Variants in NEBL observed in about 807,000 individuals in gnomAD.
NEBL encodes the protein nebulette.
A neutral mutation model predicts 140.2 loss-of-function variants in NEBL; 122 were observed. The observed-to-expected ratio is 0.87, with a 90% CI of 0.75 to 1.01. The LOEUF is 1.01. Among genes scored for constraint, NEBL ranks in the 50% least tolerant of loss-of-function variants. The probability of loss-of-function intolerance (pLI) is 0.00; values close to 1 mark genes in which losing one functional copy is unlikely to be tolerated. For missense variants in NEBL, 1,365 were observed against 1,231.3 expected (o/e 1.11, Z -1.62); for synonymous variants, 436 against 398.9 (o/e 1.09, Z -1.11).
At chr10:21,082,405 A>G (rs1836406334) in intron 2 of NEBL, among the ~76,000 whole-genome samples, 1 of 152,144 alleles carries the variant, frequency 6.6e-6, no homozygotes, top group Non-Finnish European at 1.5e-5. Context: ...TGTGAGAAAT[A>G]CACACTAAAA....
At chr10:20,829,443 G>A (rs908830299) in intron 16 of NEBL, among the ~76,000 whole-genome samples, 5 of 147,704 alleles carry the variant, frequency 3.4e-5, no homozygotes, top group Non-Finnish European at 7.5e-5. Flanking sequence ...TTGTGGGGTA[G>A]GGGGAGGGGG....
At chr10:21,185,034 C>T (rs1293301456) in intron 3 of NEBL, among the ~76,000 whole-genome samples, 1 of 152,190 alleles carries the variant, frequency 6.6e-6, no homozygotes, top group Non-Finnish European at 1.5e-5. Flanking sequence ...CATCCTGGCC[C>T]CATGTCTCCC....
intron 7 of NEBL, among the ~76,000 whole-genome samples, chr10:20,865,687 C>T (rs1844202472): frequency 6.6e-6 from 1 of 152,158 alleles, no homozygotes; most frequent in Non-Finnish European, 1.5e-5. Context: ...CTTAGAGTCA[C>T]CGCCCTTTAA....
intron 3 of NEBL, among the ~76,000 whole-genome samples, chr10:21,187,507 A>T (rs1016912022): frequency 1.3e-4 from 19 of 150,022 alleles, no homozygotes; most frequent in South Asian, 2.1e-4. Flanking sequence ...TACTATTATT[A>T]TTTATTATTA....
chr10:21,288,851 AAAAT>A lies in NEBL; in HGVS notation n.182+3975_182+3978del, dbSNP rs1564556773. On this transcript the variant is annotated intron_variant and non_coding_transcript_variant, in intron 1 of 8. Transcript: ENST00000675702. ...ATATATATATATATATATATATATAAAAATTTTTTTTTTTTGAGACGGAGTCTTG... is the reference window on the plus strand; with the variant it reads ...ATATATATATATATATATATATATAATTTTTTTTTTTGAGACGGAGTCTTG... 5.3e-4 allele frequency among the ~76,000 whole-genome samples: 17 copies of A among 32,178 alleles called. 2 individuals are homozygous for A. The highest frequency in any genetic ancestry group is 1.2e-3 in the African/African-American group (12 of 9,846). 21.1% of individuals were successfully genotyped at this position (32,178 alleles called of 152,430 possible). A position where few individuals can be genotyped will look rare whatever the true frequency, so the allele number is the denominator to read the frequency against.
At chr10:20,852,483 G>A (rs1588806891) in intron 10 of NEBL, 62 bp downstream of exon 10, 2 of 1,056,492 alleles carry the variant, frequency 1.9e-6, no homozygotes, top group Non-Finnish European at 2.9e-6. Context: ...GTGAGCGGCG[G>A]GCCTCAGGAT....
intron 1 of NEBL, among the ~76,000 whole-genome samples, chr10:21,291,253 C>T (rs190041752): frequency 6.6e-6 from 1 of 152,028 alleles, no homozygotes; most frequent in African/African-American, 2.4e-5. Context: ...CACCTATAAT[C>T]CCATCACTTT....
chr10:20,996,132 C>CTGGAGA (rs1389561712), intron 3 of NEBL, among the ~76,000 whole-genome samples: 4 of 152,126 alleles, frequency 2.6e-5, no homozygotes, highest in Admixed American at 2.6e-4. Context: ...CCAAAGAAGG[C>CTGGAGA]TGGAGACTTC....
rs151110574 is a variant in NEBL at position 21,115,577 on chromosome 10, C to T, written c.164+56806G>A. 2.6e-3 allele frequency among the ~76,000 whole-genome samples: 401 copies of T among 151,974 alleles called. 1 individual carries two copies. The highest frequency in any genetic ancestry group is 9.1e-3 in the African/African-American group (376 of 41,456). On this transcript the variant is annotated intron_variant, in intron 2 of 6. Coordinates refer to the NEBL transcript ENST00000417816. ...TGCCTTAAAGGTGCTGCTCCATTGT[C>T]TTCCGACTTGCATTGTTTCCAACAA...
chr10:21,220,627 C>T (rs1394809769), intron 3 of NEBL, among the ~76,000 whole-genome samples: 1 of 151,978 alleles, frequency 6.6e-6, no homozygotes, highest in Non-Finnish European at 1.5e-5. Context: ...GCAGAGGCAA[C>T]AAAAGCAAAA....
intron 13 of NEBL, among the ~76,000 whole-genome samples, chr10:20,836,112 T>C (rs1481054174): frequency 2.6e-5 from 4 of 152,146 alleles, no homozygotes; most frequent in Admixed American, 2.6e-4. Context: ...GTGGCAACTC[T>C]GCTTGTCAAG....
chr10:21,014,714 G>C (rs1838485940), intron 3 of NEBL, among the ~76,000 whole-genome samples: 1 of 152,120 alleles, frequency 6.6e-6, no homozygotes, highest in South Asian at 2.1e-4. Context: ...AAAATAAGAA[G>C]GTTCAGAAAT....
At chr10:21,067,856 G>C (rs886758369) in intron 2 of NEBL, among the ~76,000 whole-genome samples, 6 of 152,078 alleles carry the variant, frequency 3.9e-5, no homozygotes, top group African/African-American at 1.4e-4. Flanking sequence ...TGGCGAACCT[G>C]TGGTTCCAGC....
At chr10:21,259,285 A>G (rs977747654) in intron 1 of NEBL, among the ~76,000 whole-genome samples, 6 of 152,004 alleles carry the variant, frequency 3.9e-5, no homozygotes, top group Non-Finnish European at 7.4e-5. Context: ...ACGGAGTTTC[A>G]CAACATTGGC....
intron 3 of NEBL, among the ~76,000 whole-genome samples, chr10:20,973,343 G>A (rs186777971): frequency 7.3e-5 from 11 of 151,284 alleles, no homozygotes; most frequent in East Asian, 3.9e-4. Flanking sequence ...AATCTCCTAA[G>A]CTCAAGCAAT....
intron 10 of NEBL, among the ~76,000 whole-genome samples, chr10:20,850,728 A>G (rs539075124): frequency 6.6e-6 from 1 of 152,326 alleles, no homozygotes; most frequent in East Asian, 1.9e-4. Flanking sequence ...CAACTAACTA[A>G]TGTAGTTCTA....
rs759287595 is a variant in NEBL at position 20,897,229 on chromosome 10, T to A, written c.-24A>T. 54 of 1,539,446 alleles carry A rather than the reference T, an allele frequency of 3.5e-5. No individual in the cohort carries two copies. The highest frequency in any genetic ancestry group is 4.6e-5 in the Non-Finnish European group (53 of 1,143,220). On this transcript the variant is annotated 5_prime_UTR_variant, in exon 1 of 28. Transcript: ENST00000377122. ...ATTTTTACCCTTTAAAATATTTATA[T>A]TTTTAAAATTTACTCATGTGGCGTC...
intron 2 of NEBL, among the ~76,000 whole-genome samples, chr10:21,073,863 A>C (rs945638343): frequency 6.6e-6 from 1 of 152,114 alleles, no homozygotes; most frequent in Non-Finnish European, 1.5e-5. Context: ...TCACGAGGTC[A>C]GGAGATCAAG....
At chr10:20,988,488 G>C (rs754688250) in intron 3 of NEBL, among the ~76,000 whole-genome samples, 1 of 151,952 alleles carries the variant, frequency 6.6e-6, no homozygotes, top group Non-Finnish European at 1.5e-5. Flanking sequence ...AACTGTCCTG[G>C]CTCCTAGCTA....
Sources: gnomAD v4.1 joint callset for allele counts (sites outside exome capture counted in the v4.1 genomes callset) on GRCh38, gnomAD v4.1.1 for gene constraint, MANE v1.5 for transcripts, NCBI Gene and HGNC (gene_info 2026-07-23, HGNC 2026-07-21) for gene names.